The following NDE1 variants were observed in gnomAD, a reference collection of about 807,000 sequenced individuals.
NDE1 encodes the protein nudE neurodevelopment protein 1, also known as nuclear distribution protein nudE homolog 1.
In NDE1, 28 loss-of-function variants were observed where a neutral mutation model predicts 43.4. The ratio of observed to expected loss-of-function variants is 0.65; its 90% confidence interval spans 0.48 to 0.89. The LOEUF (loss-of-function observed/expected upper bound fraction) is 0.89, where lower values mean the gene tolerates loss of function less well. Among genes scored for constraint, NDE1 ranks in the 40% least tolerant of loss-of-function variants. The probability of loss-of-function intolerance (pLI) is 0.00; values close to 1 mark genes in which losing one functional copy is unlikely to be tolerated. For missense variants in NDE1, 441 were observed against 434.1 expected, an observed-to-expected ratio of 1.02 and a Z score of -0.14; for synonymous variants, 184 against 172.0, an observed-to-expected ratio of 1.07 and a Z score of -0.55.
chr16:15,696,821 G>C lies in NDE1; in HGVS notation c.908G>C (p.Arg303Thr), dbSNP rs1367009668. The change falls in exon 8 of 9, where the codon AGA becomes ACA. Residue 303 changes from arginine to threonine, a missense_variant. Coordinates refer to ENST00000396354, the MANE Select transcript of NDE1 (RefSeq NM_017668.3). Reference protein sequence around the residue: ...RSSKNRDGGERRPSSTSVPLG... With the variant: ...RSSKNRDGGETRPSSTSVPLG... ...AGCAAGAACAGAGATGGCGGGGAGA[G>C]ACGGCCAAGCAGCACCAGCGTGCCT... is the stretch of plus-strand genomic sequence containing the variant. The C allele has an allele frequency of 2.5e-6, 4 of 1,614,042 alleles. No homozygotes were observed. In the African/African-American group the frequency reaches 5.3e-5, roughly 22 times the overall value.
At chr16:15,650,067 AG>A (rs2036417162), upstream of NDE1, among the ~76,000 whole-genome samples, 1 of 152,074 alleles carries the variant, frequency 6.6e-6, no homozygotes, top group South Asian at 2.1e-4. Flanking sequence ...TCCGGCCAGG[AG>A]CCTTCGCCGC....
At chr16:15,696,575 G>C in intron 7 of NDE1, 134 bp from the exon 8 acceptor site, 1 of 1,527,658 alleles carries the variant, frequency 6.5e-7, no homozygotes, top group Non-Finnish European at 8.8e-7. Flanking sequence ...GATTCCTCTT[G>C]GGGTCCCACC....
chr16:15,712,646 G>T (rs746831268), intron 8 of NDE1, among the ~76,000 whole-genome samples: 1 of 152,052 alleles, frequency 6.6e-6, no homozygotes, highest in Non-Finnish European at 1.5e-5. Flanking sequence ...AGCAGGTTTC[G>T]AGGTGAGGGA....
chr16:15,667,633 T>TCTG (rs1555538026), intron 3 of NDE1, among the ~76,000 whole-genome samples, 194 bp downstream of exon 3: 1 of 140,038 alleles, frequency 7.1e-6, no homozygotes, highest in Non-Finnish European at 1.6e-5. Context: ...TTTTGTTTTG[T>TCTG]TTTTTTTTTT....
At chr16:15,647,086 C>T (rs777203226), upstream of NDE1, among the ~76,000 whole-genome samples, 2 of 152,164 alleles carry the variant, frequency 1.3e-5, no homozygotes, top group Non-Finnish European at 2.9e-5. Flanking sequence ...AGGCATCAGA[C>T]GTAGTAAAGT....
intron 8 of NDE1, chr16:15,719,576 A>G (rs765235227): frequency 6.2e-7 from 1 of 1,614,056 alleles, no homozygotes; most frequent in Non-Finnish European, 8.5e-7. Flanking sequence ...TAGCAAGGCG[A>G]GGCTTTACCT....
intron 8 of NDE1, chr16:15,719,534 T>C (rs377312004): frequency 1.8e-5 from 29 of 1,611,720 alleles, no homozygotes; most frequent in Non-Finnish European, 2.3e-5. Flanking sequence ...TGCCAAGGGG[T>C]GCTACCGTGA....
At chr16:15,717,422 C>T in intron 8 of NDE1, 5 of 1,528,040 alleles carry the variant, frequency 3.3e-6, no homozygotes, top group Non-Finnish European at 4.5e-6. Flanking sequence ...ATGCCTCTTC[C>T]TGCCTTGTTT....
chr16:15,652,866 A>G (rs1048899598), intron 1 of NDE1, among the ~76,000 whole-genome samples: 5 of 151,480 alleles, frequency 3.3e-5, no homozygotes, highest in South Asian at 2.1e-4. Context: ...GGGTCTCACT[A>G]TGTTGCCCAG....
At chr16:15,678,467 C>A (rs143942332) in intron 4 of NDE1, among the ~76,000 whole-genome samples, 1 of 152,062 alleles carries the variant, frequency 6.6e-6, no homozygotes, top group Non-Finnish European at 1.5e-5. Context: ...TGGATTCAAG[C>A]AATTCTCATG....
rs1567699749 is a variant in NDE1 at position 15,724,339 on chromosome 16, CTCT to C, written c.*94_*96del. ...GAGGTTCTCGATCTCCTTCTGGAAC[CTCT>C]TCTTCCCCTCTTCCAGAGCTTCCAC... On this transcript the variant is annotated 3_prime_UTR_variant, in exon 9 of 9. Coordinates refer to ENST00000396354, the MANE Select transcript of NDE1 (RefSeq NM_017668.3). 1 of 1,614,136 alleles carries C rather than the reference CTCT, an allele frequency of 6.2e-7. No individual in the cohort carries two copies. The highest frequency in any genetic ancestry group is 1.1e-5 in the South Asian group (1 of 91,084).
chr16:15,683,920 G>A (rs2038304984), intron 4 of NDE1, among the ~76,000 whole-genome samples: 1 of 152,108 alleles, frequency 6.6e-6, no homozygotes, highest in Admixed American at 6.6e-5. Context: ...ACAACTACTC[G>A]GGAGGTTGAG....
intron 1 of NDE1, among the ~76,000 whole-genome samples, chr16:15,650,868 A>C (rs2151386772): frequency 6.6e-6 from 1 of 152,098 alleles, no homozygotes; most frequent in South Asian, 2.1e-4. Flanking sequence ...CTCTTTCCAA[A>C]AACCCACCCT....
chr16:15,693,349 T>C lies in NDE1; in HGVS notation c.704-816T>C, dbSNP rs188750440. Among the ~76,000 whole-genome samples the C allele has an allele frequency of 3.9e-5, 6 of 152,268 alleles. 1 individual carries two copies. The East Asian group carries it at 5.8e-4, about 15-fold the overall frequency. The stretch of plus-strand genomic sequence containing the variant: ...ACAGTTCTCATGTGCTGCTGGTGCA[T>C]GGACCCCACTTGGAGAAGAGAGGCT... On this transcript the variant is annotated intron_variant, in intron 6 of 8. Transcript: ENST00000396354.
In NDE1 at chr16:15,725,534, T is replaced by G; in HGVS notation, c.*1283T>G. ...CCTCTCTGTATTCTCTGGCTTTTAC[T>G]CCCTAGTGTCTCTGCATAAGTCCCT... On this transcript the variant is annotated 3_prime_UTR_variant, in exon 9 of 9. Coordinates refer to ENST00000396354, the MANE Select transcript of NDE1 (RefSeq NM_017668.3). The G allele has an allele frequency of 2.4e-6, 1 of 415,650 alleles. No homozygotes were observed. The highest frequency in any genetic ancestry group is 3.9e-5 in the Admixed American group (1 of 25,834). 25.7% of individuals were successfully genotyped at this position (415,650 alleles called of 1,614,324 possible). A position where few individuals can be genotyped will look rare whatever the true frequency, so the allele number is the denominator to read the frequency against.
intron 8 of NDE1, chr16:15,699,649 C>G (rs537170787): frequency 4.6e-6 from 6 of 1,294,108 alleles, no homozygotes; most frequent in Non-Finnish European, 6.1e-6. Flanking sequence ...GATGTTCACC[C>G]TTATAACTCT....
At chr16:15,718,851 G>C (rs1465960421) in intron 8 of NDE1, 2 of 406,938 alleles carry the variant, frequency 4.9e-6, no homozygotes, top group Non-Finnish European at 9.2e-6. Flanking sequence ...TCCAGGGCCA[G>C]GCACGGTGGC....
intron 1 of NDE1, among the ~76,000 whole-genome samples, chr16:15,655,141 C>T (rs2151402911): frequency 6.6e-6 from 1 of 152,150 alleles, no homozygotes; most frequent in South Asian, 2.1e-4. Context: ...CCTCAGCCAC[C>T]CAAGTAGCTG....
chr16:15,697,146 G>A, intron 8 of NDE1: 1 of 824,892 alleles, frequency 1.2e-6, no homozygotes, highest in Non-Finnish European at 1.5e-6. Flanking sequence ...CAGCTCAAAC[G>A]ATCCTCCCAC....
Sources: allele counts gnomAD v4.1 joint callset (sites outside exome capture counted in the v4.1 genomes callset), GRCh38; gene constraint gnomAD v4.1.1; transcripts MANE v1.5; gene names NCBI Gene and HGNC (gene_info 2026-07-23, HGNC 2026-07-21).